MGMT: variants seen among roughly 807,000 people sequenced by gnomAD.
MGMT encodes the protein O-6-methylguanine-DNA methyltransferase.
In MGMT, 14 loss-of-function variants were observed where a neutral mutation model predicts 15.9. The ratio of observed to expected loss-of-function variants is 0.88; its 90% CI spans 0.58 to 1.37. The LOEUF (loss-of-function observed/expected upper bound fraction) is 1.37. MGMT is among the 40% of genes most tolerant of loss of function. The pLI is 0.00. For synonymous variants in MGMT, 130 were observed against 118.2 expected (o/e 1.10, Z -0.65); for missense variants, 282 against 268.1 (o/e 1.05, Z -0.36).
At chr10:129,476,654 G>A (rs148006708) in intron 1 of MGMT, among the ~76,000 whole-genome samples, 128 of 152,292 alleles carry the variant, frequency 8.4e-4, no homozygotes, top group African/African-American at 2.8e-3. Context: ...TCGCCAGGCT[G>A]CTGGGAGTGG....
At chr10:129,514,137 A>C (rs967908535) in intron 1 of MGMT, among the ~76,000 whole-genome samples, 2 of 152,256 alleles carry the variant, frequency 1.3e-5, no homozygotes, top group Admixed American at 6.5e-5. Flanking sequence ...GTACCTGCTG[A>C]ATTTTGTAAT....
intron 1 of MGMT, among the ~76,000 whole-genome samples, chr10:129,496,815 G>T: frequency 6.6e-6 from 1 of 151,994 alleles, no homozygotes; most frequent in East Asian, 1.9e-4. Flanking sequence ...CTTTAAAAGG[G>T]ATCTTGGTAT....
chr10:129,497,714 A>G (rs1845536489), intron 1 of MGMT, among the ~76,000 whole-genome samples: 1 of 152,154 alleles, frequency 6.6e-6, no homozygotes, highest in African/African-American at 2.4e-5. Context: ...CCCCATGGTG[A>G]TGGCCTTTGG....
chr10:129,637,158 C>A (rs1419668014), intron 2 of MGMT, among the ~76,000 whole-genome samples: 1 of 152,208 alleles, frequency 6.6e-6, no homozygotes, highest in Non-Finnish European at 1.5e-5. Context: ...GAGTTCACAC[C>A]TCTTAATGAG....
chr10:129,531,510 C>T (rs1420269315), intron 1 of MGMT, among the ~76,000 whole-genome samples: 1 of 152,086 alleles, frequency 6.6e-6, no homozygotes, highest in Non-Finnish European at 1.5e-5. Flanking sequence ...CCTCTCTGCT[C>T]GCCCGGTGTG....
intron 2 of MGMT, among the ~76,000 whole-genome samples, chr10:129,586,686 A>T (rs1846622244): frequency 6.6e-6 from 1 of 152,220 alleles, no homozygotes; most frequent in Non-Finnish European, 1.5e-5. Flanking sequence ...AGACACTGCT[A>T]TGAATATTTA....
chr10:129,628,538 C>T (rs899569231), intron 2 of MGMT, among the ~76,000 whole-genome samples: 8 of 152,120 alleles, frequency 5.3e-5, no homozygotes, highest in Non-Finnish European at 7.3e-5. Context: ...TGTGCATCTC[C>T]GTGCTCACCT....
chr10:129,490,163 CT>C (rs1361028495), intron 1 of MGMT, among the ~76,000 whole-genome samples: 5 of 151,982 alleles, frequency 3.3e-5, no homozygotes, highest in Admixed American at 6.6e-5. Flanking sequence ...TTGTCAGAAA[CT>C]ATTTCAGAGC....
chr10:129,546,496 A>G (rs1846099875), intron 2 of MGMT, among the ~76,000 whole-genome samples: 1 of 152,198 alleles, frequency 6.6e-6, no homozygotes. Flanking sequence ...GCTTCCTCCC[A>G]GGGCTAGGGG....
At chr10:129,523,807 G>A (rs1845839424) in intron 1 of MGMT, among the ~76,000 whole-genome samples, 1 of 152,198 alleles carries the variant, frequency 6.6e-6, no homozygotes, top group Non-Finnish European at 1.5e-5. Context: ...TTCTGACCAG[G>A]CGGGACCCTG....
rs756591584 is a variant in MGMT, at chr10:129,707,916, C to T, written c.147C>T (p.Pro49=). The T allele has an allele frequency of 1.7e-5, 27 of 1,611,992 alleles. No homozygotes were observed. Among genetic ancestry groups the T allele is most frequent in the South Asian group, 1.5e-4 (14 of 91,030 alleles). Reference sequence around the variant, plus strand: ...GCAGTGCCGTGGAGGTCCCAGCCCCCGCTGCGGTTCTCGGAGGTCCGGAGC... The same window carrying T: ...GCAGTGCCGTGGAGGTCCCAGCCCCTGCTGCGGTTCTCGGAGGTCCGGAGC... The part of the protein sequence containing the change: ...SAADAVEVPA[P]AAVLGGPEPL... Residue 49 remains proline (P), a synonymous_variant, in exon 3 of 5, where the codon CCC becomes CCT. Coordinates refer to ENST00000651593, the MANE Select transcript of MGMT (RefSeq NM_002412.5).
chr10:129,532,029 C>T lies in MGMT; in HGVS notation c.-12-4212C>T, dbSNP rs571827210. ...CAGTTATAAACTGGTTGCCTTTTTT[C>T]GGTTCTTGGAATGATTTGGATGGAG... On this transcript the variant is annotated intron_variant, in intron 1 of 4. Coordinates refer to ENST00000651593, the MANE Select transcript of MGMT (RefSeq NM_002412.5). This position sits in a 1 kb window ranked among gnomAD's most constrained non-coding sequence, Gnocchi z 5.3. Among the ~76,000 whole-genome samples the T allele has an allele frequency of 6.6e-6, 1 of 152,128 alleles. No homozygotes were observed. Among genetic ancestry groups the T allele is most frequent in the East Asian group, 1.9e-4 (1 of 5,174 alleles).
At chr10:129,691,410 G>T (rs913020372) in intron 2 of MGMT, among the ~76,000 whole-genome samples, 1 of 152,110 alleles carries the variant, frequency 6.6e-6, no homozygotes, top group African/African-American at 2.4e-5. Context: ...GGGCCCAGAC[G>T]TCAGCCCCAG....
At chr10:129,627,093 G>T (rs1159304213) in intron 2 of MGMT, among the ~76,000 whole-genome samples, 4 of 152,216 alleles carry the variant, frequency 2.6e-5, no homozygotes, top group African/African-American at 9.6e-5. Flanking sequence ...GCTGTGGGCC[G>T]TGTGTCTCCC....
chr10:129,618,509 GAATAAGTGGATTAA>G (rs6144154), intron 2 of MGMT, among the ~76,000 whole-genome samples: 66,005 of 151,700 alleles, frequency 0.44, 15,854 homozygotes, highest in East Asian at 0.63. Context: ...TTTCCATGTA[GAATAAGTGGATTAA>G]TTAGTATAGA....
intron 3 of MGMT, among the ~76,000 whole-genome samples, chr10:129,725,187 G>A (rs977547936): frequency 6.6e-6 from 1 of 152,226 alleles, no homozygotes; most frequent in Admixed American, 6.5e-5. Context: ...ACTCAGCTTT[G>A]CAGCCGTCCC....
At chr10:129,475,491 T>C (rs1223680926) in intron 1 of MGMT, among the ~76,000 whole-genome samples, 1 of 152,184 alleles carries the variant, frequency 6.6e-6, no homozygotes, top group Non-Finnish European at 1.5e-5. Flanking sequence ...AGGAATGATA[T>C]ATTTCTAAAA....
At chr10:129,539,991 G>A (rs1589857070) in intron 2 of MGMT, among the ~76,000 whole-genome samples, 1 of 152,182 alleles carries the variant, frequency 6.6e-6, no homozygotes, top group Admixed American at 6.5e-5. Context: ...TCAATTTTGG[G>A]AGGGTTGACA....
intron 3 of MGMT, among the ~76,000 whole-genome samples, chr10:129,742,177 TTC>T (rs1057504135): frequency 2.0e-5 from 3 of 152,206 alleles, no homozygotes; most frequent in African/African-American, 7.2e-5. Context: ...GCTCTCAGTG[TTC>T]TGTCTGGGGA....
Sources: allele counts gnomAD v4.1 joint callset (sites outside exome capture counted in the v4.1 genomes callset), GRCh38; gene constraint gnomAD v4.1.1; non-coding constraint Gnocchi (gnomAD v3.1); transcripts MANE v1.5; gene names NCBI Gene and HGNC (gene_info 2026-07-23, HGNC 2026-07-21).